Variants in DMD observed in about 807,000 individuals in gnomAD.
DMD encodes mutant dystrophin.
Under a neutral mutation model 330.1 loss-of-function variants are expected in DMD, and 63 were observed. The observed-to-expected ratio is 0.19, with a 90% CI of 0.16 to 0.24. The LOEUF is 0.24. Among genes scored for constraint, DMD ranks in the 10% least tolerant of loss-of-function variants. The pLI is 1.00. For synonymous variants in DMD, 1,223 were observed against 959.8 expected (o/e 1.27, Z -5.07); for missense variants, 3,344 against 2,684.1 (o/e 1.25, Z -5.43).
intron 1 of DMD, among the ~76,000 whole-genome samples, chrX:33,250,085 T>TTA (rs560212408): frequency 0.068 from 5,113 of 75,295 alleles, 195 homozygotes; most frequent in East Asian, 0.13. Context: ...AAACTATTCA[T>TTA]TATATATATA....
At chrX:32,260,709 C>T (rs776708228) in intron 43 of DMD, among the ~76,000 whole-genome samples, 4 of 100,266 alleles carry the variant, frequency 4.0e-5, no homozygotes, top group East Asian at 5.7e-4. Context: ...GCCTTCTTTT[C>T]CTTCATTTCC....
chrX:32,753,495 C>T (rs1231861643), intron 7 of DMD, among the ~76,000 whole-genome samples: 1 of 111,473 alleles, frequency 9.0e-6, no homozygotes, highest in Non-Finnish European at 1.9e-5. Context: ...ATTTGACCAC[C>T]ACAAACCCTC....
intron 1 of DMD, among the ~76,000 whole-genome samples, chrX:33,124,098 G>A (rs1322323122): frequency 9.1e-6 from 1 of 110,395 alleles, no homozygotes; most frequent in Non-Finnish European, 1.9e-5. Context: ...CCCAGGAGGC[G>A]GAGGTTGCAG....
chrX:32,736,003 T>G (rs1850450179), intron 7 of DMD, among the ~76,000 whole-genome samples: 1 of 111,419 alleles, frequency 9.0e-6, no homozygotes, highest in African/African-American at 3.3e-5. Flanking sequence ...GAGAAAATTT[T>G]TGCAACCTAC....
intron 1 of DMD, among the ~76,000 whole-genome samples, chrX:33,235,398 T>C (rs2052458661): frequency 8.9e-6 from 1 of 111,924 alleles, no homozygotes; most frequent in Admixed American, 9.5e-5. Context: ...TCATCAGAAT[T>C]AACTACTGTA....
chrX:32,545,869 T>G (rs1410499400), intron 16 of DMD, among the ~76,000 whole-genome samples: 1 of 111,071 alleles, frequency 9.0e-6, no homozygotes, highest in Non-Finnish European at 1.9e-5. Flanking sequence ...AAACAGCTTT[T>G]AAAATTACAA....
chrX:32,478,920 T>TG (rs1279467072), intron 21 of DMD, among the ~76,000 whole-genome samples: 2 of 110,892 alleles, frequency 1.8e-5, no homozygotes, highest in Admixed American at 1.9e-4. Context: ...CAACTGAAAT[T>TG]GGGGTCATTT....
At chrX:33,095,335 A>T (rs1488169102) in intron 1 of DMD, among the ~76,000 whole-genome samples, 1 of 112,565 alleles carries the variant, frequency 8.9e-6, no homozygotes, top group African/African-American at 3.2e-5. Flanking sequence ...GAACAACATA[A>T]ATGTTAGCAT....
chrX:32,690,437 A>G (rs1008232283), intron 9 of DMD, among the ~76,000 whole-genome samples: 3 of 111,637 alleles, frequency 2.7e-5, no homozygotes, highest in African/African-American at 9.8e-5. Context: ...AATCTACAGA[A>G]CTAATATAAT....
At chrX:32,998,268 C>G (rs931363315) in intron 2 of DMD, among the ~76,000 whole-genome samples, 2 of 102,874 alleles carry the variant, frequency 1.9e-5, no homozygotes, top group African/African-American at 7.1e-5. Flanking sequence ...ACCGGGGAGG[C>G]TGAGGTGGAA....
chrX:33,327,769 A>G, intron 1 of DMD, among the ~76,000 whole-genome samples: 1 of 111,345 alleles, frequency 9.0e-6, no homozygotes, highest in East Asian at 2.9e-4. Context: ...AAGGAGTGAA[A>G]TGCATAGAAT....
intron 2 of DMD, among the ~76,000 whole-genome samples, chrX:32,857,263 A>C (rs1405618626): frequency 8.9e-6 from 1 of 112,190 alleles, no homozygotes; most frequent in East Asian, 2.8e-4. Context: ...TACTATACAT[A>C]ATATACACAT....
intron 1 of DMD, among the ~76,000 whole-genome samples, chrX:33,055,765 TG>T (rs1260299589): frequency 9.0e-6 from 1 of 111,702 alleles, no homozygotes; most frequent in Non-Finnish European, 1.9e-5. Flanking sequence ...CTGACAAATT[TG>T]GGTTCTATTC....
At chrX:32,641,475 C>T (rs60180387) in intron 11 of DMD, 2,830 of 128,253 alleles carry the variant, frequency 0.022, 99 homozygotes, top group African/African-American at 0.091. Flanking sequence ...TTTGATGTTG[C>T]TATTAGGTTG....
intron 44 of DMD, among the ~76,000 whole-genome samples, chrX:32,044,880 G>A (rs886954604): frequency 2.7e-5 from 3 of 112,151 alleles, no homozygotes; most frequent in Non-Finnish European, 5.6e-5. Context: ...TGGACAGGAT[G>A]TTTCGAATGC....
chrX:32,202,132 T>G (rs2097042772), intron 44 of DMD, among the ~76,000 whole-genome samples: 1 of 111,395 alleles, frequency 9.0e-6, no homozygotes, highest in Non-Finnish European at 1.9e-5. Context: ...CTTGGCACAA[T>G]TCAACCCTCT....
At chrX:32,137,875 A>T (rs1041169651) in intron 44 of DMD, among the ~76,000 whole-genome samples, 1 of 109,210 alleles carries the variant, frequency 9.2e-6, no homozygotes, top group Non-Finnish European at 1.9e-5. Flanking sequence ...CCTATAAGTG[A>T]TTATTTAACA....
At position 31,835,270 on chromosome X, in the gene DMD, A is replaced by C. The variant is rs191063317; in HGVS notation, c.7200+1448T>G. ...GACAAACCTTAATTCATAGTCATAC[A>C]CCATAAGGCATAAAGTCTTTGAGGA... On this transcript the variant is annotated intron_variant, in intron 49 of 78. Transcript: ENST00000357033. Among the ~76,000 whole-genome samples, 26 of 112,309 alleles carry C rather than the reference A, an allele frequency of 2.3e-4. No individual in the cohort carries two copies. In the East Asian group the frequency reaches 6.7e-3, roughly 29 times the overall value.
intron 1 of DMD, among the ~76,000 whole-genome samples, chrX:33,248,676 A>G (rs895796442): frequency 2.7e-5 from 3 of 112,252 alleles, no homozygotes; most frequent in South Asian, 3.6e-4. Flanking sequence ...TAATTACCAG[A>G]GGAAGAGAAA....
Sources: gnomAD v4.1 joint callset for allele counts (sites outside exome capture counted in the v4.1 genomes callset) on GRCh38, gnomAD v4.1.1 for gene constraint, MANE v1.5 for transcripts, NCBI Gene and HGNC (gene_info 2026-07-23, HGNC 2026-07-21) for gene names.